Variants in PPP2R1B observed in about 807,000 individuals in gnomAD.
PPP2R1B encodes the protein serine/threonine-protein phosphatase 2A 65 kDa regulatory subunit A beta isoform.
A neutral mutation model predicts 72.7 loss-of-function variants in PPP2R1B; 58 were observed. The observed-to-expected ratio is 0.80, with a 90% CI of 0.65 to 0.99. The LOEUF is 0.99. PPP2R1B is among the 50% of genes least tolerant of loss of function. The pLI is 0.00. For synonymous variants in PPP2R1B, 256 were observed against 264.6 expected (o/e 0.97, Z 0.32); for missense variants, 695 against 733.6 (o/e 0.95, Z 0.61).
intron 15 of PPP2R1B, chr11:111,727,234 G>A (rs1429617478): frequency 3.7e-5 from 23 of 624,344 alleles, no homozygotes; most frequent in Non-Finnish European, 6.6e-5. Context: ...TCCCTGCGTG[G>A]GAGAGCATCA....
the PPP2R1B span, among the ~76,000 whole-genome samples, chr11:111,709,347 T>G: frequency 6.6e-6 from 1 of 152,212 alleles, no homozygotes; most frequent in Non-Finnish European, 1.5e-5. Context: ...TCTCCAGATA[T>G]AGCCACATTA....
chr11:111,714,273 T>C, the PPP2R1B span, among the ~76,000 whole-genome samples: 1 of 152,028 alleles, frequency 6.6e-6, no homozygotes, highest in African/African-American at 2.4e-5. Context: ...ATGGAGGAGG[T>C]TAGCATTAAA....
At chr11:111,728,894 A>C (rs919315564) in intron 15 of PPP2R1B, 2 of 151,160 alleles carry the variant, frequency 1.3e-5, no homozygotes, top group African/African-American at 2.4e-5. Context: ...ACTGCACTCC[A>C]GCCTGGGCGA....
At chr11:111,761,241 C>T (rs1555051358) in intron 3 of PPP2R1B, 190 bp from the exon 4 acceptor site, 3 of 692,684 alleles carry the variant, frequency 4.3e-6, no homozygotes. Flanking sequence ...GACACGACTT[C>T]TGTAGAAAAG....
intron 10 of PPP2R1B, among the ~76,000 whole-genome samples, chr11:111,750,610 CTG>C (rs1337338284): frequency 6.6e-6 from 1 of 152,160 alleles, no homozygotes; most frequent in Admixed American, 6.5e-5. Context: ...TTACAATACT[CTG>C]TAATAAGTGC....
the PPP2R1B span, chr11:111,712,398 C>T: frequency 9.4e-6 from 15 of 1,600,448 alleles, no homozygotes; most frequent in Non-Finnish European, 1.3e-5. Context: ...TTGAGAGTCT[C>T]AGAACTGGCA....
intron 10 of PPP2R1B, among the ~76,000 whole-genome samples, chr11:111,749,009 C>A (rs1157502982): frequency 6.6e-6 from 1 of 151,928 alleles, no homozygotes; most frequent in Non-Finnish European, 1.5e-5. Context: ...ACATGCCCAG[C>A]TAATTTTGTA....
chr11:111,755,269 T>C, intron 6 of PPP2R1B, 26 bp downstream of exon 6: 1 of 1,585,024 alleles, frequency 6.3e-7, no homozygotes, highest in Non-Finnish European at 8.6e-7. Flanking sequence ...GTTTATTTCC[T>C]TAGTACTTAA....
Position 111,739,299 on chromosome 11 carries a change from T to G in PPP2R1B, c.*2297A>C. ...CTTACAGAGCTCCTAAAGCCTATAT[T>G]CCAGTGAAATCAAGATAGGAGAACT... On this transcript the variant is annotated 3_prime_UTR_variant, in exon 15 of 15. Coordinates refer to ENST00000527614, the MANE Select transcript of PPP2R1B (RefSeq NM_002716.5). 3.1e-6 allele frequency: 3 copies of G among 977,328 alleles called. No homozygotes were observed. Among genetic ancestry groups the G allele is most frequent in the Non-Finnish European group, 2.4e-6 (2 of 822,858 alleles). The allele number at this position is 977,328 out of a possible 1,614,324, so 60.5% of individuals were successfully genotyped here. A position where few individuals can be genotyped will look rare whatever the true frequency, so the allele number is the denominator to read the frequency against.
downstream of PPP2R1B, among the ~76,000 whole-genome samples, chr11:111,735,743 C>A (rs1944321703): frequency 6.6e-6 from 1 of 152,156 alleles, no homozygotes; most frequent in Admixed American, 6.5e-5. Flanking sequence ...ACTGACAGTT[C>A]CCAGGGCTCT....
At position 111,740,941 on chromosome 11, in the gene PPP2R1B, C is replaced by T. The variant is rs72983204; in HGVS notation, c.*655G>A. 112 of 985,508 alleles carry T rather than the reference C, an allele frequency of 1.1e-4. No homozygotes were observed. The highest frequency in any genetic ancestry group is 1.3e-4 in the Non-Finnish European group (109 of 829,972). 61.0% of individuals were successfully genotyped at this position (985,508 alleles called of 1,614,324 possible). ...AATTCAGTTAGGCGTCAACATCACA[C>T]ATTAGCAGCAAGATGCAGCCACACT... On this transcript the variant is annotated 3_prime_UTR_variant, in exon 15 of 15. Transcript: ENST00000527614.
downstream of PPP2R1B, among the ~76,000 whole-genome samples, chr11:111,736,218 G>A (rs887490960): frequency 2.6e-5 from 4 of 152,106 alleles, no homozygotes; most frequent in Non-Finnish European, 4.4e-5. Context: ...CTCGAGTAAC[G>A]GCAACTTATT....
chr11:111,735,101 A>G (rs1442606595), downstream of PPP2R1B, among the ~76,000 whole-genome samples: 2 of 152,132 alleles, frequency 1.3e-5, no homozygotes, highest in African/African-American at 4.8e-5. Context: ...ACAAGAGTAG[A>G]AGGGGCATGG....
chr11:111,759,494 T>C (rs1342903620), intron 5 of PPP2R1B, among the ~76,000 whole-genome samples: 3 of 152,198 alleles, frequency 2.0e-5, no homozygotes, highest in Non-Finnish European at 4.4e-5. Context: ...CATATTACAA[T>C]ACAGCCAGCA....
At chr11:111,719,963 G>A in the PPP2R1B span, 1 of 1,614,132 alleles carries the variant, frequency 6.2e-7, no homozygotes. Context: ...GGCACACTCT[G>A]TCAGAAGTGA....
At chr11:111,726,696 C>T (rs1263877459), downstream of PPP2R1B, 1 of 467,940 alleles carries the variant, frequency 2.1e-6, no homozygotes, top group Non-Finnish European at 3.9e-6. Context: ...AAGCAGTTTT[C>T]TCTTCATCAC....
chr11:111,694,810 T>C, the PPP2R1B span, among the ~76,000 whole-genome samples: 153 of 152,314 alleles, frequency 1.0e-3, 1 homozygote, highest in East Asian at 0.025. Flanking sequence ...GATTTTTTTT[T>C]CCCTCTTCAT....
the PPP2R1B span, among the ~76,000 whole-genome samples, chr11:111,715,365 CT>C: frequency 6.6e-6 from 1 of 152,204 alleles, no homozygotes; most frequent in Non-Finnish European, 1.5e-5. Flanking sequence ...TTGAGACTGC[CT>C]CATGTGCATT....
intron 11 of PPP2R1B, among the ~76,000 whole-genome samples, chr11:111,747,649 A>C (rs1372102631): frequency 6.6e-6 from 1 of 152,228 alleles, no homozygotes; most frequent in African/African-American, 2.4e-5. Context: ...GATGGTCAAA[A>C]AGAGGATCTT....
Sources: allele counts gnomAD v4.1 joint callset (sites outside exome capture counted in the v4.1 genomes callset), GRCh38; gene constraint gnomAD v4.1.1; transcripts MANE v1.5; gene names NCBI Gene and HGNC (gene_info 2026-07-23, HGNC 2026-07-21).